TAF1B: variants seen among roughly 807,000 people sequenced by gnomAD.
TAF1B encodes TATA box-binding protein-associated factor RNA polymerase I subunit B.
Under a neutral mutation model 83.9 loss-of-function variants are expected in TAF1B, and 61 were observed. The ratio of observed to expected loss-of-function variants is 0.73; its 90% confidence interval spans 0.59 to 0.90. The LOEUF is 0.90. TAF1B is among the 40% of genes least tolerant of loss of function. TAF1B has a pLI of 0.00. For missense variants in TAF1B, 625 were observed against 677.0 expected (o/e 0.92, Z 0.85); for synonymous variants, 221 against 224.6 (o/e 0.98, Z 0.14).
chr2:9,845,379 A>G (rs1663172125), intron 2 of TAF1B, 61 bp downstream of exon 2: 1 of 1,378,666 alleles, frequency 7.3e-7, no homozygotes, highest in Non-Finnish European at 1.0e-6. Context: ...TTTCAGCCTG[A>G]TATGTAGTCT....
intron 3 of TAF1B, 81 bp from the exon 4 acceptor site, chr2:9,851,459 TA>T: frequency 5.2e-6 from 6 of 1,152,650 alleles, no homozygotes; most frequent in Non-Finnish European, 7.3e-6. Flanking sequence ...TCGCAATGTG[TA>T]AAACACAAAT....
chr2:9,871,588 T>C (rs1257445693), intron 6 of TAF1B, among the ~76,000 whole-genome samples: 8 of 152,234 alleles, frequency 5.3e-5, no homozygotes, highest in African/African-American at 1.9e-4. Flanking sequence ...AAATGTTTAG[T>C]GAGCCTAAGA....
chr2:9,870,860 G>T (rs553468543), intron 6 of TAF1B, among the ~76,000 whole-genome samples: 1 of 152,210 alleles, frequency 6.6e-6, no homozygotes, highest in African/African-American at 2.4e-5. Flanking sequence ...GGTTTTCTTG[G>T]AGTTGATAAT....
At chr2:9,865,708 A>G (rs1663948857) in intron 5 of TAF1B, among the ~76,000 whole-genome samples, 2 of 151,902 alleles carry the variant, frequency 1.3e-5, no homozygotes, top group African/African-American at 4.8e-5. Context: ...ACAGTAACCA[A>G]AACAGCATGG....
At chr2:9,929,698 T>C (rs1666154961) in intron 14 of TAF1B, among the ~76,000 whole-genome samples, 1 of 152,216 alleles carries the variant, frequency 6.6e-6, no homozygotes, top group Admixed American at 6.5e-5. Flanking sequence ...GCTGGCCTCA[T>C]AAAAATGAGT....
intron 1 of TAF1B, chr2:9,844,407 C>T (rs1663134045): frequency 6.6e-6 from 1 of 152,168 alleles, no homozygotes; most frequent in African/African-American, 2.4e-5. Flanking sequence ...ATCTTCCTGC[C>T]TCAGCCTCGC....
At chr2:9,919,538 G>T in intron 13 of TAF1B, 60 bp from the exon 14 acceptor site, 1 of 1,450,104 alleles carries the variant, frequency 6.9e-7, no homozygotes, top group South Asian at 1.2e-5. Flanking sequence ...GTAAATTCCA[G>T]GCTTTATTTG....
At position 9,933,852 on chromosome 2, in the gene TAF1B, C is replaced by G. The variant is rs746237061; in HGVS notation, c.1635C>G (p.Leu545=). ...YSLSYQFILN[L]FSFLLRIKTS... ...TGAGTTATCAGTTTATACTAAATCTCTTCTCCTTCCTGCTCAGAATAAAGA... is the reference window on the plus strand; with the variant it reads ...TGAGTTATCAGTTTATACTAAATCTGTTCTCCTTCCTGCTCAGAATAAAGA... Residue 545 remains leucine (L), a synonymous_variant, in exon 15 of 15, where the codon CTC becomes CTG. Transcript: ENST00000263663. 15 of 1,613,902 alleles carry G rather than the reference C, an allele frequency of 9.3e-6. No homozygotes were observed. In the South Asian group the frequency reaches 1.1e-4, roughly 12 times the overall value.
intron 14 of TAF1B, among the ~76,000 whole-genome samples, chr2:9,922,757 G>A (rs1348652202): frequency 6.6e-6 from 1 of 152,118 alleles, no homozygotes. Flanking sequence ...AAAAATCCCA[G>A]CGGCTAGACC....
chr2:9,888,700 T>C (rs1233240894), intron 8 of TAF1B, among the ~76,000 whole-genome samples: 1 of 151,850 alleles, frequency 6.6e-6, no homozygotes, highest in Non-Finnish European at 1.5e-5. Context: ...TTCCTTTAGC[T>C]GCTTTTTAAG....
chr2:9,898,209 A>T (rs774882272), intron 8 of TAF1B, among the ~76,000 whole-genome samples: 14 of 152,180 alleles, frequency 9.2e-5, no homozygotes, highest in Non-Finnish European at 1.8e-4. Context: ...ATGCATAAGA[A>T]TATCCTGGAG....
At chr2:9,933,711 T>G (rs1666287526) in intron 14 of TAF1B, 72 bp from the exon 15 acceptor site, 1 of 1,218,022 alleles carries the variant, frequency 8.2e-7, no homozygotes, top group Non-Finnish European at 1.2e-6. Context: ...TTTGGGGGGA[T>G]GTTCAGGGGT....
chr2:9,886,616 T>C (rs1340785242), intron 8 of TAF1B, among the ~76,000 whole-genome samples: 1 of 152,238 alleles, frequency 6.6e-6, no homozygotes, highest in Non-Finnish European at 1.5e-5. Flanking sequence ...AAATTTCTTC[T>C]ATGTGTTCTT....
chr2:9,858,353 C>T (rs1021454206), intron 5 of TAF1B, among the ~76,000 whole-genome samples: 1 of 152,200 alleles, frequency 6.6e-6, no homozygotes, highest in Non-Finnish European at 1.5e-5. Context: ...CAGCTTTGCT[C>T]CTATGGCTCT....
At chr2:9,872,623 A>G (rs1230934878) in intron 6 of TAF1B, among the ~76,000 whole-genome samples, 1 of 152,170 alleles carries the variant, frequency 6.6e-6, no homozygotes, top group African/African-American at 2.4e-5. Flanking sequence ...TCAGGTTTAC[A>G]TGTTTAAAAA....
intron 8 of TAF1B, among the ~76,000 whole-genome samples, chr2:9,901,509 T>C (rs1331062843): frequency 2.0e-5 from 3 of 152,204 alleles, no homozygotes; most frequent in Non-Finnish European, 2.9e-5. Context: ...TTAGTGACCT[T>C]ACACATACTT....
rs940617738 is a variant in TAF1B at position 9,898,218 on chromosome 2, A to G, written c.808-6641A>G. On this transcript the variant is annotated intron_variant, in intron 8 of 14. Transcript: ENST00000263663. ...TTTAGTATGCATAAGAATATCCTGG[A>G]GAGCTTGTTTAAACTGCAGATTCTT... Among the ~76,000 whole-genome samples the G allele has an allele frequency of 3.9e-5, 6 of 152,334 alleles. No homozygotes were observed. The South Asian group carries it at 1.2e-3, about 32-fold the overall frequency.
chr2:9,860,396 C>A (rs150072333), intron 5 of TAF1B, among the ~76,000 whole-genome samples: 14 of 152,174 alleles, frequency 9.2e-5, no homozygotes, highest in African/African-American at 3.4e-4. Context: ...TTAAGTACTG[C>A]TAAGAAAGAA....
chr2:9,859,392 T>TA, intron 5 of TAF1B, among the ~76,000 whole-genome samples: 1 of 151,754 alleles, frequency 6.6e-6, no homozygotes, highest in Non-Finnish European at 1.5e-5. Flanking sequence ...CAGCATTTTT[T>TA]TTTTTTTTTT....
Sources: allele counts gnomAD v4.1 joint callset (sites outside exome capture counted in the v4.1 genomes callset), GRCh38; gene constraint gnomAD v4.1.1; transcripts MANE v1.5; gene names NCBI Gene and HGNC (gene_info 2026-07-23, HGNC 2026-07-21).